TMPRSS11F: variants seen among roughly 807,000 people sequenced by gnomAD.
The protein encoded by TMPRSS11F is transmembrane protease serine 11F.
In TMPRSS11F, 47 loss-of-function variants were observed where a neutral mutation model predicts 60.2. That is an observed-to-expected ratio of 0.78 (90% confidence interval 0.62 to 1.00). The LOEUF is 1.00. Ranked by LOEUF, TMPRSS11F falls within the 50% of genes least tolerant of loss-of-function variation. The pLI, the probability that TMPRSS11F is intolerant of heterozygous loss-of-function variation, is 0.00. For synonymous variants in TMPRSS11F, 166 were observed against 167.3 expected, an observed-to-expected ratio of 0.99 and a Z score of 0.06; for missense variants, 519 against 522.9, an observed-to-expected ratio of 0.99 and a Z score of 0.07.
At chr4:68,075,828 A>G (rs926722622) in intron 3 of TMPRSS11F, among the ~76,000 whole-genome samples, 5 of 151,978 alleles carry the variant, frequency 3.3e-5, no homozygotes, top group African/African-American at 1.2e-4. Flanking sequence ...CCCCGTCTCT[A>G]CTAAAAATAC....
At chr4:68,062,811 C>T in intron 8 of TMPRSS11F, 1 of 755,856 alleles carries the variant, frequency 1.3e-6, no homozygotes, top group Non-Finnish European at 2.5e-6. Context: ...TTGGACATCT[C>T]TTGATCCGTG....
chr4:68,104,364 C>A (rs1724257018), intron 1 of TMPRSS11F, among the ~76,000 whole-genome samples: 3 of 152,142 alleles, frequency 2.0e-5, no homozygotes, highest in Middle Eastern at 6.8e-3. Flanking sequence ...ATTGTAGTTC[C>A]CATTATCCCT....
chr4:68,075,178 T>A (rs1012374571), intron 3 of TMPRSS11F, among the ~76,000 whole-genome samples: 3 of 152,168 alleles, frequency 2.0e-5, no homozygotes, highest in African/African-American at 7.2e-5. Context: ...GTAGTAATAA[T>A]GCCCAGTAGA....
At position 68,091,757 on chromosome 4, in the gene TMPRSS11F, C is replaced by CTA. The variant is rs1247094446; in HGVS notation, c.164-1117_164-1116insTA. On this transcript the variant is annotated intron_variant, in intron 2 of 9. Coordinates refer to ENST00000356291, the MANE Select transcript of TMPRSS11F (RefSeq NM_207407.2). ...CCCATTTAATCTCTAATCTCTCTCT[C>CTA]TCTCTCTCTCTCTCTCTCTCTCTCT... Among the ~76,000 whole-genome samples, 186 of 106,584 alleles carry CTA rather than the reference C, an allele frequency of 1.7e-3. 2 individuals are homozygous for CTA. The highest frequency in any genetic ancestry group is 6.6e-3 in the African/African-American group (166 of 25,112). The allele number at this position is 106,584 out of a possible 152,430, so 69.9% of individuals were successfully genotyped here.
chr4:68,123,930 C>T (rs892625013), intron 1 of TMPRSS11F, among the ~76,000 whole-genome samples: 2 of 151,934 alleles, frequency 1.3e-5, no homozygotes, highest in Middle Eastern at 3.2e-3. Flanking sequence ...TTTTAAAAAC[C>T]TTTATCAAGG....
At chr4:68,117,403 GC>G (rs1724547553) in intron 1 of TMPRSS11F, among the ~76,000 whole-genome samples, 1 of 144,616 alleles carries the variant, frequency 6.9e-6, no homozygotes. Context: ...GGGTGGCAGA[GC>G]CTGCAGTAAG....
chr4:68,055,875 A>G (rs953135100), intron 9 of TMPRSS11F, among the ~76,000 whole-genome samples: 1 of 152,224 alleles, frequency 6.6e-6, no homozygotes, highest in Non-Finnish European at 1.5e-5. Context: ...TTTATCCCTC[A>G]GATGCAAGAA....
In TMPRSS11F at chr4:68,123,265, T is replaced by C. The variant is rs558067742; in HGVS notation, c.11+6545A>G. On this transcript the variant is annotated intron_variant, in intron 1 of 9. Coordinates refer to ENST00000356291, the MANE Select transcript of TMPRSS11F (RefSeq NM_207407.2). ...CTGACTAAATTCTTGCTGCTCTTAT[T>C]AGATCAAAAAGTAAAGAACACAAGA... Among the ~76,000 whole-genome samples, 15 of 152,312 alleles carry C rather than the reference T, an allele frequency of 9.8e-5. No homozygotes were observed. The South Asian group carries it at 3.1e-3, about 32-fold the overall frequency.
rs113362134 is a variant in TMPRSS11F at position 68,060,940 on chromosome 4, T to G, written c.1016-1472A>C. On this transcript the variant is annotated intron_variant, in intron 8 of 9. Transcript: ENST00000356291. ...AGTTTATAATAATATATAGTACTTTTTTGGGACTAGGAGCAATGATATACT... is the reference window on the plus strand; with the variant it reads ...AGTTTATAATAATATATAGTACTTTGTTGGGACTAGGAGCAATGATATACT... 5.1e-3 allele frequency among the ~76,000 whole-genome samples: 771 copies of G among 152,142 alleles called. 9 individuals carry two copies. Among genetic ancestry groups the G allele is most frequent in the African/African-American group, 0.018 (750 of 41,560 alleles).
At chr4:68,070,860 C>A (rs917442589) in intron 5 of TMPRSS11F, among the ~76,000 whole-genome samples, 15 of 152,146 alleles carry the variant, frequency 9.9e-5, no homozygotes, top group African/African-American at 3.6e-4. Flanking sequence ...CTAGAGGTTT[C>A]ATGGATATGT....
intron 1 of TMPRSS11F, among the ~76,000 whole-genome samples, chr4:68,115,671 C>T (rs1407142717): frequency 1.3e-5 from 2 of 152,222 alleles, no homozygotes; most frequent in Admixed American, 1.3e-4. Context: ...TTACAAAAAT[C>T]ACAGAGTGAA....
intron 2 of TMPRSS11F, among the ~76,000 whole-genome samples, chr4:68,097,870 A>G (rs1243909312): frequency 6.6e-6 from 1 of 152,150 alleles, no homozygotes; most frequent in African/African-American, 2.4e-5. Flanking sequence ...GCTATTAACA[A>G]TCCCCCAATA....
chr4:68,074,087 G>T, intron 3 of TMPRSS11F, 78 bp from the exon 4 acceptor site: 1 of 903,034 alleles, frequency 1.1e-6, no homozygotes, highest in Non-Finnish European at 1.6e-6. Context: ...AGAAGTATTA[G>T]TCTTAAGAAA....
intron 7 of TMPRSS11F, among the ~76,000 whole-genome samples, chr4:68,067,351 A>C (rs1723351432): frequency 6.6e-6 from 1 of 152,230 alleles, no homozygotes; most frequent in Non-Finnish European, 1.5e-5. Context: ...TCTCTACTTC[A>C]TCAAGCTCAA....
At chr4:68,058,547 T>C (rs184315550) in intron 9 of TMPRSS11F, among the ~76,000 whole-genome samples, 102 of 152,290 alleles carry the variant, frequency 6.7e-4, no homozygotes, top group African/African-American at 2.3e-3. Context: ...GTAAATAAAA[T>C]AGATTAAAAT....
At chr4:68,054,491 A>T (rs1723002080) in intron 9 of TMPRSS11F, among the ~76,000 whole-genome samples, 1 of 152,078 alleles carries the variant, frequency 6.6e-6, no homozygotes, top group Non-Finnish European at 1.5e-5. Context: ...TCTGTTACTC[A>T]CCTATTTCTA....
intron 1 of TMPRSS11F, among the ~76,000 whole-genome samples, chr4:68,121,127 A>C (rs1577938185): frequency 6.6e-6 from 1 of 152,288 alleles, no homozygotes; most frequent in South Asian, 2.1e-4. Context: ...CTGGATCCAT[A>C]CTTCTTAGGT....
chr4:68,122,113 G>T (rs1230125815), intron 1 of TMPRSS11F, among the ~76,000 whole-genome samples: 1 of 152,180 alleles, frequency 6.6e-6, no homozygotes, highest in South Asian at 2.1e-4. Context: ...TAATTCTCAA[G>T]ATGTTTAAAA....
rs771862310 is a variant in TMPRSS11F at position 68,072,320 on chromosome 4, T to C, written c.514+3A>G. 5 of 1,535,574 alleles carry C rather than the reference T, an allele frequency of 3.3e-6. No homozygotes were observed. In the East Asian group the frequency reaches 9.4e-5, roughly 29 times the overall value. On this transcript the variant is annotated splice_donor_region_variant and intron_variant, in intron 5 of 9. Transcript: ENST00000356291. ...AAGTGGCAAATAAAAATAAAAGACT[T>C]ACGTGTGAGTCTAAATGATGGTTTG...
Sources: gnomAD v4.1 joint callset for allele counts (sites outside exome capture counted in the v4.1 genomes callset) on GRCh38, gnomAD v4.1.1 for gene constraint, MANE v1.5 for transcripts, NCBI Gene and HGNC (gene_info 2026-07-23, HGNC 2026-07-21) for gene names.